Variants in SDK2 observed in about 807,000 individuals in gnomAD.
SDK2 encodes protein sidekick-2.
A neutral mutation model predicts 253.9 loss-of-function variants in SDK2; 105 were observed. That is an observed-to-expected ratio of 0.41 (90% CI 0.35 to 0.49). The LOEUF is 0.49. Among genes scored for constraint, SDK2 ranks in the 20% least tolerant of loss-of-function variants. The pLI is 0.06. For synonymous variants in SDK2, 1,249 were observed against 1,234.9 expected, an observed-to-expected ratio of 1.01 and a Z score of -0.24; for missense variants, 2,608 against 3,003.0, an observed-to-expected ratio of 0.87 and a Z score of 3.07.
At chr17:73,372,520 T>A (rs1403131269) in intron 36 of SDK2, among the ~76,000 whole-genome samples, 1 of 152,332 alleles carries the variant, frequency 6.6e-6, no homozygotes, top group Non-Finnish European at 1.5e-5. Flanking sequence ...CCATTTACTA[T>A]GCCCAATTCT....
intron 44 of SDK2, among the ~76,000 whole-genome samples, chr17:73,347,549 G>A (rs79749968): frequency 0.021 from 3,166 of 152,288 alleles, 49 homozygotes; most frequent in Non-Finnish European, 0.033. Flanking sequence ...CTCAGCCCAC[G>A]GGGCCCACAG....
chr17:73,355,172 ATATTTTT>A (rs1281502854), intron 40 of SDK2, among the ~76,000 whole-genome samples: 2 of 23,322 alleles, frequency 8.6e-5, no homozygotes, highest in Admixed American at 8.9e-4. Flanking sequence ...ATATATATAT[ATATTTTT>A]TTTTTTTTTT....
chr17:73,419,330 C>G (rs769660826), intron 15 of SDK2, 24 bp from the exon 16 acceptor site: 8 of 1,606,192 alleles, frequency 5.0e-6, no homozygotes, highest in African/African-American at 1.3e-5. Flanking sequence ...CACCAATGCT[C>G]TTAGTCTTGG....
At chr17:73,369,846 G>A (rs921305048) in intron 36 of SDK2, among the ~76,000 whole-genome samples, 40 of 152,124 alleles carry the variant, frequency 2.6e-4, no homozygotes, top group African/African-American at 8.2e-4. Context: ...GGATTTCACC[G>A]TGTTAGCCAG....
At chr17:73,405,502 AT>A (rs1568385722) in intron 18 of SDK2, among the ~76,000 whole-genome samples, 1,244 of 99,622 alleles carry the variant, frequency 0.012, 252 homozygotes, top group East Asian at 0.037. Flanking sequence ...ATATATATAT[AT>A]ATATATATAT....
intron 4 of SDK2, among the ~76,000 whole-genome samples, chr17:73,451,790 T>C (rs2063491707): frequency 6.6e-6 from 1 of 152,182 alleles, no homozygotes; most frequent in East Asian, 1.9e-4. Flanking sequence ...ATTCCTGGGA[T>C]GATGCTGTAC....
At chr17:73,399,326 T>G in intron 21 of SDK2, 37 bp from the exon 22 acceptor site, 1 of 1,612,012 alleles carries the variant, frequency 6.2e-7, no homozygotes, top group Non-Finnish European at 8.5e-7. Flanking sequence ...GGAGATCCGG[T>G]GAGAATGGCC....
At chr17:73,610,309 A>AGTC (rs1218121679) in intron 1 of SDK2, among the ~76,000 whole-genome samples, 1 of 152,224 alleles carries the variant, frequency 6.6e-6, no homozygotes, top group Non-Finnish European at 1.5e-5. Flanking sequence ...AGGCCCAGCC[A>AGTC]GTCACTTAGG....
At chr17:73,590,330 C>T (rs1167866441) in intron 1 of SDK2, among the ~76,000 whole-genome samples, 23 of 152,280 alleles carry the variant, frequency 1.5e-4, no homozygotes, top group Non-Finnish European at 3.1e-4. Context: ...GCAACCAGCA[C>T]CTCCTTCCCC....
chr17:73,555,250 G>A (rs1235233836), intron 1 of SDK2, among the ~76,000 whole-genome samples: 1 of 152,248 alleles, frequency 6.6e-6, no homozygotes, highest in African/African-American at 2.4e-5. Context: ...AGCCAGCGAG[G>A]GCCTCATGGA....
chr17:73,514,865 G>A (rs1599639024), intron 1 of SDK2, among the ~76,000 whole-genome samples: 2 of 151,998 alleles, frequency 1.3e-5, no homozygotes, highest in Non-Finnish European at 2.9e-5. Context: ...TGATTACCAC[G>A]GCCTCTTAAT....
intron 1 of SDK2, among the ~76,000 whole-genome samples, chr17:73,589,036 G>A (rs1242471369): frequency 6.6e-6 from 1 of 152,284 alleles, no homozygotes; most frequent in Non-Finnish European, 1.5e-5. Context: ...GTGATGCCAC[G>A]TACTTGACCT....
chr17:73,525,319 G>C (rs1035676172), intron 1 of SDK2, among the ~76,000 whole-genome samples: 1 of 152,300 alleles, frequency 6.6e-6, no homozygotes, highest in African/African-American at 2.4e-5. Context: ...AGCCAGGCCA[G>C]GGGCACAGCA....
At chr17:73,355,326 C>T (rs1480440307) in intron 40 of SDK2, among the ~76,000 whole-genome samples, 3 of 149,754 alleles carry the variant, frequency 2.0e-5, no homozygotes, top group Admixed American at 6.6e-5. Flanking sequence ...TATAGGCACC[C>T]GCCACCACGC....
At position 73,609,088 on chromosome 17, in the gene SDK2, C is replaced by A. The variant is rs1482828962; in HGVS notation, c.64+34937G>T. 6.6e-6 allele frequency among the ~76,000 whole-genome samples: 1 copy of A among 152,176 alleles called. No homozygotes were observed. Among genetic ancestry groups the A allele is most frequent in the African/African-American group, 2.4e-5 (1 of 41,432 alleles). ...ATCTTGGCATTGACCTCAGTAAAGC[C>A]TGGGAAGGCCGCTGGAGGAAAGCCT... is the stretch of plus-strand genomic sequence containing the variant. On this transcript the variant is annotated intron_variant, in intron 1 of 44. Coordinates refer to ENST00000392650, the MANE Select transcript of SDK2 (RefSeq NM_001144952.2). The surrounding 1 kb of genome is among the most constrained non-coding windows in gnomAD (Gnocchi z 4.4).
rs756089097 is a variant in SDK2 at position 73,361,653 on chromosome 17, G to C, written c.5467+31C>G. ...GACTGGGGACGCTGAACCGCCGTGT[G>C]GAAGACATGCCTGGTCCGTTGCTCT... is the stretch of plus-strand genomic sequence containing the variant. On this transcript the variant is annotated intron_variant, in intron 39 of 44. Transcript: ENST00000392650. This position sits in a 1 kb window ranked among gnomAD's most constrained non-coding sequence, Gnocchi z 4.1. 1 of 1,596,058 alleles carries C rather than the reference G, an allele frequency of 6.3e-7. No homozygotes were observed. The highest frequency in any genetic ancestry group is 1.1e-5 in the South Asian group (1 of 90,370).
chr17:73,545,577 C>CT (rs2044950477), intron 1 of SDK2, among the ~76,000 whole-genome samples: 1 of 152,182 alleles, frequency 6.6e-6, no homozygotes, highest in African/African-American at 2.4e-5. Flanking sequence ...GAGTCCCCAT[C>CT]CCCACCCACC....
chr17:73,564,258 C>T (rs1484684422), intron 1 of SDK2, among the ~76,000 whole-genome samples: 2 of 152,104 alleles, frequency 1.3e-5, no homozygotes, highest in African/African-American at 2.4e-5. Flanking sequence ...TAGCACTGGC[C>T]ACATATGGCT....
rs1188169326 is a variant in SDK2 at position 73,483,639 on chromosome 17, A to ATGTGTGTGTGTG, written c.225-11422_225-11421insCACACACACACA. Reference sequence around the variant, plus strand: ...TGTATATATATGTATATGTATATATATATGTGTGTGTGTGTGTGTGTGTAT... The same window carrying ATGTGTGTGTGTG: ...TGTATATATATGTATATGTATATATATGTGTGTGTGTGTATGTGTGTGTGTGTGTGTGTGTAT... On this transcript the variant is annotated intron_variant, in intron 2 of 44. Coordinates refer to ENST00000392650, the MANE Select transcript of SDK2 (RefSeq NM_001144952.2). Among the ~76,000 whole-genome samples, 49 of 48,206 alleles carry ATGTGTGTGTGTG rather than the reference A, an allele frequency of 1.0e-3. 3 individuals carry two copies. Among genetic ancestry groups the ATGTGTGTGTGTG allele is most frequent in the East Asian group, 3.8e-3 (6 of 1,598 alleles). The allele number at this position is 48,206 out of a possible 152,430, so 31.6% of individuals were successfully genotyped here. A position where few individuals can be genotyped will look rare whatever the true frequency, so the allele number is the denominator to read the frequency against.
Sources: gnomAD v4.1 joint callset for allele counts (sites outside exome capture counted in the v4.1 genomes callset) on GRCh38, gnomAD v4.1.1 for gene constraint, Gnocchi (gnomAD v3.1) non-coding constraint, MANE v1.5 for transcripts, NCBI Gene and HGNC (gene_info 2026-07-23, HGNC 2026-07-21) for gene names.